Variants in SYT10 observed in about 807,000 individuals in gnomAD.
The protein encoded by SYT10 is synaptotagmin 10, also known as synaptotagmin-10.
Under a neutral mutation model 51.1 loss-of-function variants are expected in SYT10, and 31 were observed. That is an observed-to-expected ratio of 0.61 (90% CI 0.46 to 0.82). The LOEUF is 0.82. SYT10 is among the 40% of genes least tolerant of loss of function. The pLI is 0.00. For synonymous variants in SYT10, 233 were observed against 225.9 expected (o/e 1.03, Z -0.28); for missense variants, 603 against 634.0 (o/e 0.95, Z 0.53).
At chr12:33,422,603 A>AT (rs1866514790) in intron 2 of SYT10, among the ~76,000 whole-genome samples, 1 of 151,746 alleles carries the variant, frequency 6.6e-6, no homozygotes. Context: ...ACTTTACTCT[A>AT]TTTTTTGATC....
At chr12:33,389,140 T>A (rs191477801) in intron 3 of SYT10, among the ~76,000 whole-genome samples, 1 of 152,112 alleles carries the variant, frequency 6.6e-6, no homozygotes, top group Non-Finnish European at 1.5e-5. Flanking sequence ...TCAGTACGCA[T>A]TGAGAAATAT....
chr12:33,397,011 G>A (rs556881096), intron 3 of SYT10, among the ~76,000 whole-genome samples: 4 of 152,208 alleles, frequency 2.6e-5, no homozygotes, highest in Admixed American at 2.6e-4. Context: ...CAATGATCAC[G>A]GCTCTTTCTA....
At chr12:33,400,589 A>AT (rs1555115325) in intron 3 of SYT10, among the ~76,000 whole-genome samples, 23,781 of 151,392 alleles carry the variant, frequency 0.16, 4,393 homozygotes, top group African/African-American at 0.45. Context: ...AAAAAAAAAA[A>AT]TTTCATTGAA....
At chr12:33,396,724 G>A (rs1218177938) in intron 3 of SYT10, among the ~76,000 whole-genome samples, 1 of 148,422 alleles carries the variant, frequency 6.7e-6, no homozygotes, top group Non-Finnish European at 1.5e-5. Flanking sequence ...TCGCTCTGTC[G>A]CCAGGCTGGA....
At position 33,407,009 on chromosome 12, in the gene SYT10, C is replaced by G; in HGVS notation, c.857G>C (p.Arg286Pro). 6.2e-7 allele frequency: 1 copy of G among 1,614,040 alleles called. No homozygotes were observed. Among genetic ancestry groups the G allele is most frequent in the South Asian group, 1.1e-5 (1 of 91,072 alleles). Residue 286 changes from arginine to proline, a missense_variant, in exon 3 of 7, where the codon CGC (arginine) becomes CCC (proline). Transcript: ENST00000228567. ...AGGATTTAAAGTCTTTCTGTGCACG[C>G]GGGTCTGAAATTTCTTTTTCCTATC... ...LPDRKKKFQT[R>P]VHRKTLNPLF...
intron 2 of SYT10, among the ~76,000 whole-genome samples, chr12:33,415,360 T>C (rs960207127): frequency 1.3e-5 from 2 of 152,218 alleles, no homozygotes; most frequent in Non-Finnish European, 2.9e-5. Flanking sequence ...AGCTCAAATC[T>C]AGGCTTCCTG....
In SYT10 at chr12:33,376,882, C is replaced by T; in HGVS notation, c.1520G>A (p.Ser507Asn). 1.2e-6 allele frequency: 2 copies of T among 1,614,058 alleles called. No individual in the cohort carries two copies. The highest frequency in any genetic ancestry group is 2.2e-5 in the South Asian group (2 of 91,074). Residue 507 changes from serine (S) to asparagine (N), a missense_variant, in exon 7 of 7, where the codon AGT becomes AAT. Ser to Asn is a conservative substitution (Grantham distance 46, BLOSUM62 1). Transcript: ENST00000228567. ...PLLELPGRAT[S>N]FDSQGSCPSP... ...AGGGCAGGATCCTTGACTATCAAAA[C>T]TGGTCGCCCGGCCAGGTAACTGAAA...
intron 2 of SYT10, 48 bp from the exon 3 acceptor site, chr12:33,407,404 A>G: frequency 6.4e-7 from 1 of 1,571,836 alleles, no homozygotes; most frequent in Non-Finnish European, 8.6e-7. Context: ...GATCATTTTG[A>G]TGAGAATGTT....
intron 3 of SYT10, among the ~76,000 whole-genome samples, chr12:33,391,030 G>T (rs1438230687): frequency 6.6e-6 from 1 of 152,074 alleles, no homozygotes; most frequent in African/African-American, 2.4e-5. Context: ...TCTGCCTCCT[G>T]GGTTCAAGCA....
intron 3 of SYT10, among the ~76,000 whole-genome samples, chr12:33,400,256 G>A (rs1308337499): frequency 2.0e-5 from 3 of 152,080 alleles, no homozygotes; most frequent in African/African-American, 7.2e-5. Flanking sequence ...GATTGATCCA[G>A]GATGATTGGG....
intron 1 of SYT10, among the ~76,000 whole-genome samples, chr12:33,431,706 C>T (rs1037214047): frequency 2.6e-5 from 4 of 152,078 alleles, no homozygotes; most frequent in African/African-American, 7.2e-5. Flanking sequence ...TGCGCTAAAG[C>T]AAAAGCATCA....
At chr12:33,417,165 T>G (rs1292626703) in intron 2 of SYT10, among the ~76,000 whole-genome samples, 1 of 152,178 alleles carries the variant, frequency 6.6e-6, no homozygotes, top group Non-Finnish European at 1.5e-5. Flanking sequence ...CATTGAAACT[T>G]AATCCCTGAT....
At chr12:33,386,129 T>C (rs1866154395) in intron 3 of SYT10, among the ~76,000 whole-genome samples, 1 of 152,118 alleles carries the variant, frequency 6.6e-6, no homozygotes, top group East Asian at 1.9e-4. Flanking sequence ...CAAGCAATTC[T>C]CCTGTCTCAG....
At chr12:33,431,253 A>G (rs1284507817) in intron 1 of SYT10, among the ~76,000 whole-genome samples, 1 of 152,206 alleles carries the variant, frequency 6.6e-6, no homozygotes, top group Non-Finnish European at 1.5e-5. Context: ...GTCAGGACTT[A>G]GTCATGTGGC....
At chr12:33,427,894 A>G in intron 1 of SYT10, among the ~76,000 whole-genome samples, 1 of 152,260 alleles carries the variant, frequency 6.6e-6, no homozygotes, top group South Asian at 2.1e-4. Flanking sequence ...ACTATGAGTT[A>G]GGATTTAATT....
chr12:33,427,989 A>C (rs916918804), intron 1 of SYT10, among the ~76,000 whole-genome samples: 6 of 152,228 alleles, frequency 3.9e-5, no homozygotes, highest in Admixed American at 3.3e-4. Flanking sequence ...ATTTTGACTA[A>C]GGAGAAGATA....
At chr12:33,430,785 T>C (rs1445218640) in intron 1 of SYT10, among the ~76,000 whole-genome samples, 1 of 152,088 alleles carries the variant, frequency 6.6e-6, no homozygotes. Flanking sequence ...CACCATTTCA[T>C]AGAGAAAGAG....
At chr12:33,428,285 C>A (rs1284116627) in intron 1 of SYT10, among the ~76,000 whole-genome samples, 1 of 152,170 alleles carries the variant, frequency 6.6e-6, no homozygotes, top group Non-Finnish European at 1.5e-5. Flanking sequence ...AATTTAACTT[C>A]CTTAAATAGT....
intron 1 of SYT10, among the ~76,000 whole-genome samples, chr12:33,434,655 A>AT (rs1184542926): frequency 6.6e-6 from 1 of 152,102 alleles, no homozygotes. Context: ...AAAATACAAA[A>AT]TTAGCTGGGC....
Sources: gnomAD v4.1 joint callset for allele counts (sites outside exome capture counted in the v4.1 genomes callset) on GRCh38, gnomAD v4.1.1 for gene constraint, MANE v1.5 for transcripts, NCBI Gene and HGNC (gene_info 2026-07-23, HGNC 2026-07-21) for gene names.